HYDIN: variants seen among roughly 807,000 people sequenced by gnomAD.
HYDIN encodes the protein HYDIN axonemal central pair apparatus protein.
A neutral mutation model predicts 403.9 loss-of-function variants in HYDIN; 132 were observed. That is an observed-to-expected ratio of 0.33 (90% CI 0.28 to 0.38). The LOEUF is 0.38. HYDIN is among the 10% of genes least tolerant of loss of function. The pLI is 1.00. For synonymous variants in HYDIN, 1,202 were observed against 1,891.7 expected, an observed-to-expected ratio of 0.64 and a Z score of 9.46; for missense variants, 2,827 against 5,009.5, an observed-to-expected ratio of 0.56 and a Z score of 13.15.
At chr16:71,120,821 A>T (rs2084230088) in intron 9 of HYDIN, among the ~76,000 whole-genome samples, 2 of 152,266 alleles carry the variant, frequency 1.3e-5, no homozygotes, top group South Asian at 2.1e-4. Flanking sequence ...TTATCTAAAA[A>T]GTAGTTTACG....
At chr16:71,029,403 T>C (rs11647909) in intron 19 of HYDIN, among the ~76,000 whole-genome samples, 30,774 of 89,516 alleles carry the variant, frequency 0.34, 6,453 homozygotes, top group Non-Finnish European at 0.46. Flanking sequence ...CAACTAAAGC[T>C]ACAGTTTGCT....
intron 58 of HYDIN, among the ~76,000 whole-genome samples, chr16:70,884,839 G>A (rs1402525257): frequency 1.3e-5 from 2 of 152,230 alleles, no homozygotes; most frequent in East Asian, 1.9e-4. Context: ...CTGAGATAAG[G>A]GAAGGGTCTG....
chr16:70,941,473 G>C (rs1454150546), intron 43 of HYDIN, 163 bp downstream of exon 43: 6 of 445,270 alleles, frequency 1.3e-5, no homozygotes, highest in African/African-American at 2.0e-5. Context: ...TGTCAGCAAA[G>C]CGTTCATCAT....
intron 75 of HYDIN, among the ~76,000 whole-genome samples, chr16:70,845,667 G>A (rs573008257): frequency 1.5e-5 from 2 of 133,954 alleles, no homozygotes; most frequent in African/African-American, 7.0e-5. Flanking sequence ...AATCCATCTG[G>A]TCCTGGACTC....
intron 23 of HYDIN, among the ~76,000 whole-genome samples, chr16:70,998,951 A>C (rs1338846531): frequency 1.3e-5 from 2 of 152,190 alleles, no homozygotes; most frequent in Admixed American, 6.5e-5. Flanking sequence ...AGCCAACTAA[A>C]GACATGTCTC....
rs2035183331 is a variant in HYDIN at position 70,807,766 on chromosome 16, G to A, written c.15180C>T (p.Ala5060=). ...VTFSIIVDNP[A]FTIRAGESVR... is the part of the protein sequence containing the mutation. Reference sequence around the variant, plus strand: ...CAGACTCTCCAGCGCGAATGGTGAAGGCTGGGTTATCCACGATGATGGAGA... The same window carrying A: ...CAGACTCTCCAGCGCGAATGGTGAAAGCTGGGTTATCCACGATGATGGAGA... Residue 5060 remains alanine (A), a synonymous_variant, in exon 86 of 86, where the codon GCC becomes GCT. Coordinates refer to ENST00000393567, the MANE Select transcript of HYDIN (RefSeq NM_001270974.2). The A allele has an allele frequency of 2.5e-6, 4 of 1,614,096 alleles. No homozygotes were observed. In the South Asian group the frequency reaches 4.4e-5, roughly 18 times the overall value.
chr16:70,999,053 A>C (rs1301770333), intron 23 of HYDIN, among the ~76,000 whole-genome samples: 1 of 152,082 alleles, frequency 6.6e-6, no homozygotes, highest in African/African-American at 2.4e-5. Context: ...GAAACTGACG[A>C]GAGATCGCTG....
At position 70,854,220 on chromosome 16, in the gene HYDIN, T is replaced by C. The variant is rs533468003; in HGVS notation, c.12443+908A>G. ...CTTACAACTACATGTGAATTTACAATTACTTCAAATTTTTAAATTTTATTA... is the reference window on the plus strand; with the variant it reads ...CTTACAACTACATGTGAATTTACAACTACTTCAAATTTTTAAATTTTATTA... On this transcript the variant is annotated intron_variant, in intron 73 of 85. Coordinates refer to ENST00000393567, the MANE Select transcript of HYDIN (RefSeq NM_001270974.2). Among the ~76,000 whole-genome samples the C allele has an allele frequency of 6.6e-5, 10 of 152,134 alleles. No homozygotes were observed. The South Asian group carries it at 1.0e-3, about 16-fold the overall frequency.
intron 18 of HYDIN, among the ~76,000 whole-genome samples, chr16:71,046,997 A>C (rs2144217279): frequency 6.6e-6 from 1 of 152,258 alleles, no homozygotes; most frequent in Admixed American, 6.5e-5. Flanking sequence ...GGATTTAAAT[A>C]AAACCCACAA....
chr16:71,229,233 C>T (rs965048230), intron 1 of HYDIN, among the ~76,000 whole-genome samples: 1 of 151,792 alleles, frequency 6.6e-6, no homozygotes, highest in African/African-American at 2.4e-5. Flanking sequence ...TGCAGCACAC[C>T]AATATGGCAC....
At chr16:71,205,843 T>C (rs186078694) in intron 1 of HYDIN, among the ~76,000 whole-genome samples, 151 of 152,232 alleles carry the variant, frequency 9.9e-4, no homozygotes, top group Admixed American at 1.8e-3. Flanking sequence ...GACAACTAAG[T>C]AGAGCTTCTA....
At chr16:70,965,878 C>G (rs1231539950) in intron 36 of HYDIN, among the ~76,000 whole-genome samples, 1 of 152,038 alleles carries the variant, frequency 6.6e-6, no homozygotes, top group Non-Finnish European at 1.5e-5. Context: ...TATCAGGAAG[C>G]TGTAGTAATA....
chr16:71,151,324 T>C (rs1186430443), intron 7 of HYDIN, among the ~76,000 whole-genome samples: 1 of 151,938 alleles, frequency 6.6e-6, no homozygotes, highest in Non-Finnish European at 1.5e-5. Flanking sequence ...CTAGGGCCAC[T>C]TAACCATGGG....
intron 1 of HYDIN, among the ~76,000 whole-genome samples, chr16:71,227,141 A>G (rs891869736): frequency 2.7e-5 from 4 of 150,008 alleles, no homozygotes; most frequent in Non-Finnish European, 4.4e-5. Flanking sequence ...GTATATATAT[A>G]TGTGTATGTG....
intron 39 of HYDIN, among the ~76,000 whole-genome samples, chr16:70,956,769 T>C (rs1434839527): frequency 1.3e-5 from 2 of 152,100 alleles, no homozygotes; most frequent in African/African-American, 4.8e-5. Context: ...GCTCACCCAT[T>C]TTAGACTTCT....
intron 65 of HYDIN, among the ~76,000 whole-genome samples, chr16:70,870,652 T>C (rs2040037131): frequency 6.6e-6 from 1 of 152,196 alleles, no homozygotes; most frequent in South Asian, 2.1e-4. Flanking sequence ...GATTAAGGCT[T>C]TGGTAATAAA....
intron 53 of HYDIN, among the ~76,000 whole-genome samples, chr16:70,900,257 C>T (rs1159615398): frequency 2.6e-5 from 4 of 151,804 alleles, no homozygotes; most frequent in Admixed American, 1.3e-4. Context: ...AGGAGGATCA[C>T]TTGAGGTCAG....
intron 75 of HYDIN, among the ~76,000 whole-genome samples, chr16:70,843,007 CTTT>C (rs147680176): frequency 6.7e-6 from 1 of 149,370 alleles, no homozygotes; most frequent in Non-Finnish European, 1.5e-5. Flanking sequence ...AACTTAATTT[CTTT>C]TTTTTTACAT....
intron 1 of HYDIN, among the ~76,000 whole-genome samples, chr16:71,224,087 T>A (rs551279212): frequency 1.3e-5 from 2 of 152,354 alleles, no homozygotes; most frequent in African/African-American, 4.8e-5. Context: ...ATGTAAAATG[T>A]GTATACCATG....
Sources: gnomAD v4.1 joint callset for allele counts (sites outside exome capture counted in the v4.1 genomes callset) on GRCh38, gnomAD v4.1.1 for gene constraint, MANE v1.5 for transcripts, NCBI Gene and HGNC (gene_info 2026-07-23, HGNC 2026-07-21) for gene names.